Variants in OPCML observed in about 807,000 individuals in gnomAD.
OPCML encodes opioid-binding protein/cell adhesion molecule.
Under a neutral mutation model 37.8 loss-of-function variants are expected in OPCML, and 13 were observed. That is an observed-to-expected ratio of 0.34 (90% CI 0.22 to 0.55). The LOEUF (loss-of-function observed/expected upper bound fraction) is 0.55, where lower values mean the gene tolerates loss of function less well. OPCML is among the 20% of genes least tolerant of loss of function. OPCML has a pLI of 0.91. For missense variants in OPCML, 341 were observed against 435.6 expected, an observed-to-expected ratio of 0.78 and a Z score of 1.93; for synonymous variants, 176 against 168.8, an observed-to-expected ratio of 1.04 and a Z score of -0.33.
At chr11:132,739,845 G>A (rs1040620922) in intron 2 of OPCML, among the ~76,000 whole-genome samples, 3 of 152,038 alleles carry the variant, frequency 2.0e-5, no homozygotes, top group African/African-American at 7.2e-5. Flanking sequence ...CAAAATCAAT[G>A]CCTCTCTGGA....
chr11:133,505,798 TCCATGAAGG>T (rs1591577380), intron 1 of OPCML, among the ~76,000 whole-genome samples: 1 of 152,224 alleles, frequency 6.6e-6, no homozygotes, highest in African/African-American at 2.4e-5. Flanking sequence ...CCTCTCTGCC[TCCATGAAGG>T]CCACATGAAG....
intron 1 of OPCML, among the ~76,000 whole-genome samples, chr11:133,137,441 A>G (rs1030181584): frequency 4.6e-5 from 7 of 152,214 alleles, no homozygotes; most frequent in African/African-American, 1.7e-4. Context: ...ATTACTTGCC[A>G]TGTGTCTGTT....
intron 1 of OPCML, among the ~76,000 whole-genome samples, chr11:133,349,450 A>G (rs1197079237): frequency 6.6e-6 from 1 of 152,156 alleles, no homozygotes; most frequent in African/African-American, 2.4e-5. Flanking sequence ...AAAACTGTAA[A>G]TGGTATTGAG....
chr11:132,636,672 T>C (rs1351217721), intron 3 of OPCML, among the ~76,000 whole-genome samples: 1 of 152,228 alleles, frequency 6.6e-6, no homozygotes, highest in African/African-American at 2.4e-5. Flanking sequence ...AATAATTTTC[T>C]TGACACTTCA....
intron 1 of OPCML, among the ~76,000 whole-genome samples, chr11:133,410,437 C>T (rs1320488298): frequency 6.6e-6 from 1 of 152,086 alleles, no homozygotes; most frequent in Non-Finnish European, 1.5e-5. Flanking sequence ...GATGCCTTTG[C>T]ACTCAGCCCC....
At chr11:133,202,336 G>A (rs763400225) in intron 1 of OPCML, among the ~76,000 whole-genome samples, 7 of 152,140 alleles carry the variant, frequency 4.6e-5, no homozygotes, top group Non-Finnish European at 1.0e-4. Context: ...AGATCAGCTG[G>A]GGCGATTATT....
In OPCML at chr11:132,883,587, A is replaced by G. The variant is rs1591752004; in HGVS notation, c.146+59339T>C. 2.0e-5 allele frequency among the ~76,000 whole-genome samples: 3 copies of G among 152,322 alleles called. No homozygotes were observed. The South Asian group carries it at 6.2e-4, about 32-fold the overall frequency. On this transcript the variant is annotated intron_variant, in intron 2 of 7. Transcript: ENST00000524381. ...ACATGATTTTATTTAGGTTAGGATG[A>G]CATACAGGAATACTGTTAGCGTTTT...
chr11:133,083,345 G>A (rs1312221034), intron 1 of OPCML, among the ~76,000 whole-genome samples: 2 of 152,128 alleles, frequency 1.3e-5, no homozygotes, highest in African/African-American at 2.4e-5. Flanking sequence ...GACCGCATGC[G>A]TGTGTGCTCC....
At chr11:132,694,192 T>G in intron 2 of OPCML, among the ~76,000 whole-genome samples, 1 of 114,020 alleles carries the variant, frequency 8.8e-6, no homozygotes, top group African/African-American at 3.6e-5. Flanking sequence ...TTTTTTTTTT[T>G]TTTTTTTTTT....
intron 3 of OPCML, among the ~76,000 whole-genome samples, chr11:132,547,757 T>C (rs913303359): frequency 3.3e-5 from 5 of 152,112 alleles, no homozygotes; most frequent in Non-Finnish European, 7.4e-5. Flanking sequence ...GAAAAAAAAG[T>C]CTCCATCAAG....
intron 3 of OPCML, among the ~76,000 whole-genome samples, chr11:132,557,992 T>C (rs543275127): frequency 5.5e-4 from 83 of 149,714 alleles, no homozygotes; most frequent in Non-Finnish European, 1.0e-3. Context: ...AAGACACACA[T>C]GCTCACACAT....
At chr11:133,087,504 T>A (rs1408567612) in intron 1 of OPCML, among the ~76,000 whole-genome samples, 2 of 152,122 alleles carry the variant, frequency 1.3e-5, no homozygotes, top group African/African-American at 4.8e-5. Context: ...GTAGACTCAA[T>A]GAATAAGCAT....
intron 2 of OPCML, among the ~76,000 whole-genome samples, chr11:132,897,725 G>A (rs1465663927): frequency 6.6e-6 from 1 of 152,174 alleles, no homozygotes; most frequent in Admixed American, 6.5e-5. Context: ...TTGGGGCAGT[G>A]CACCTGGTTG....
chr11:133,087,068 G>A (rs534408247), intron 1 of OPCML, among the ~76,000 whole-genome samples: 32 of 152,114 alleles, frequency 2.1e-4, no homozygotes, highest in Non-Finnish European at 3.5e-4. Context: ...TGAGATCATC[G>A]AGTTCAAACC....
intron 1 of OPCML, among the ~76,000 whole-genome samples, chr11:133,048,481 G>A (rs774376562): frequency 1.2e-4 from 18 of 152,080 alleles, no homozygotes; most frequent in Non-Finnish European, 1.8e-4. Context: ...GAAACTACAC[G>A]CTCTAAATAG....
intron 1 of OPCML, chr11:133,118,171 G>A: frequency 1.1e-6 from 1 of 910,470 alleles, no homozygotes; most frequent in Non-Finnish European, 1.3e-6. Flanking sequence ...CTCTAAAAGT[G>A]GTAGTGCAGT....
chr11:132,993,510 C>T (rs757105492), intron 1 of OPCML, among the ~76,000 whole-genome samples: 39 of 152,188 alleles, frequency 2.6e-4, no homozygotes, highest in Admixed American at 5.9e-4. Context: ...GCAGGCGTGG[C>T]TGACCCTCCA....
intron 1 of OPCML, among the ~76,000 whole-genome samples, chr11:133,152,340 C>T (rs1403354288): frequency 6.6e-6 from 1 of 152,190 alleles, no homozygotes; most frequent in Non-Finnish European, 1.5e-5. Flanking sequence ...CCATTGTTAT[C>T]TGGAGCTGTG....
At chr11:132,956,226 A>G (rs769465681) in intron 1 of OPCML, among the ~76,000 whole-genome samples, 7 of 152,186 alleles carry the variant, frequency 4.6e-5, no homozygotes, top group Non-Finnish European at 8.8e-5. Context: ...CACACTATTT[A>G]CATGGCAAGA....
Sources: allele counts gnomAD v4.1 joint callset (sites outside exome capture counted in the v4.1 genomes callset), GRCh38; gene constraint gnomAD v4.1.1; transcripts MANE v1.5; gene names NCBI Gene and HGNC (gene_info 2026-07-23, HGNC 2026-07-21).